SGSM2: variants seen among roughly 807,000 people sequenced by gnomAD.
SGSM2 encodes RUN and TBC1 domain containing 1.
Under a neutral mutation model 126.6 loss-of-function variants are expected in SGSM2, and 89 were observed. The observed-to-expected ratio is 0.70, with a 90% CI of 0.59 to 0.84. The LOEUF (loss-of-function observed/expected upper bound fraction) is 0.84. Ranked by LOEUF, SGSM2 falls within the 40% of genes least tolerant of loss-of-function variation. SGSM2 has a pLI of 0.00. For missense variants in SGSM2, 1,404 were observed against 1,416.6 expected, an observed-to-expected ratio of 0.99 and a Z score of 0.14; for synonymous variants, 614 against 574.3, an observed-to-expected ratio of 1.07 and a Z score of -0.99.
chr17:2,347,649 T>C (rs564248316), intron 2 of SGSM2, among the ~76,000 whole-genome samples: 1 of 151,770 alleles, frequency 6.6e-6, no homozygotes, highest in Non-Finnish European at 1.5e-5. Flanking sequence ...TTTTTCTTTT[T>C]TTTTTTTTCC....
Position 2,346,415 on chromosome 17 carries a change from C to CAGAGCCTTCCTGG in SGSM2, c.133+2808_133+2820dup, listed in dbSNP as rs1415635086. On this transcript the variant is annotated intron_variant, in intron 2 of 23. Coordinates refer to ENST00000268989, the MANE Select transcript of SGSM2 (RefSeq NM_014853.3). ...AATGCAGACATTTAAACAGAAAACACAGAGCCTTCCTGGAGAGCCTTCCTG... is the reference window on the plus strand; with the variant it reads ...AATGCAGACATTTAAACAGAAAACACAGAGCCTTCCTGGAGAGCCTTCCTGGAGAGCCTTCCTG... Among the ~76,000 whole-genome samples, 5 of 152,304 alleles carry CAGAGCCTTCCTGG rather than the reference C, an allele frequency of 3.3e-5. No homozygotes were observed. The East Asian group carries it at 9.7e-4, about 29-fold the overall frequency.
rs374088389 is a variant in SGSM2 at position 2,364,075 on chromosome 17, C to T, written c.824C>T (p.Ala275Val). The T allele has an allele frequency of 3.3e-5, 54 of 1,613,948 alleles. No individual in the cohort carries two copies. The highest frequency in any genetic ancestry group is 6.6e-5 in the South Asian group (6 of 91,080). ...CCGCTGTAGAAGGAGGATATGGAGG[C>T]GGTCCCTGGCTACCTCTCCCTGCAC... is the stretch of plus-strand genomic sequence containing the variant. ...VLVQPKEDME[A>V]VPGYLSLHQS... Residue 275 changes from alanine to valine, a missense_variant, in exon 8 of 24, where the codon GCG (alanine) becomes GTG (valine). Ala to Val is a moderately conservative substitution (Grantham distance 64). Transcript: ENST00000268989.
At chr17:2,377,234 C>T (rs548168336) in intron 21 of SGSM2, 166 bp downstream of exon 21, 161 of 577,104 alleles carry the variant, frequency 2.8e-4, no homozygotes, top group Non-Finnish European at 4.3e-4. Context: ...GCCTGTCATC[C>T]CAGCAATTTA....
Position 2,337,696 on chromosome 17 carries a change from G to A in SGSM2, c.8G>A (p.Ser3Asn). 1 of 1,529,566 alleles carries A rather than the reference G, an allele frequency of 6.5e-7. No individual in the cohort carries two copies. The highest frequency in any genetic ancestry group is 8.8e-7 in the Non-Finnish European group (1 of 1,134,886). 94.7% of individuals were successfully genotyped at this position (1,529,566 alleles called of 1,614,324 possible). MG[S>N]AEDAVKEKLL... ...GCCGCCTCCTGCCACACCATGGGCA[G>A]CGCAGAGGACGCAGTCAAAGAGAAA... The change falls in exon 1 of 24, where the codon AGC (serine) becomes AAC (asparagine). Residue 3 changes from serine to asparagine, a missense_variant. Coordinates refer to ENST00000268989, the MANE Select transcript of SGSM2 (RefSeq NM_014853.3). This position sits in a 1 kb window ranked among gnomAD's most constrained non-coding sequence, Gnocchi z 5.1.
chr17:2,363,562 G>A lies in SGSM2; in HGVS notation c.770G>A (p.Arg257Gln), dbSNP rs779766103. Residue 257 changes from arginine (R) to glutamine (Q), a missense_variant, in exon 7 of 24, where the codon CGG becomes CAG. By Grantham distance (43) the Arg-to-Gln change is conservative. Coordinates refer to ENST00000268989, the MANE Select transcript of SGSM2 (RefSeq NM_014853.3). The surrounding 1 kb of genome is among the most constrained non-coding windows in gnomAD (Gnocchi z 4.2). The part of the protein sequence containing the change: ...VESLHQNSRT[R>Q]LLYGKNHVLV... Reference sequence around the variant, plus strand: ...TCCCTGCACCAGAACTCACGGACGCGGCTGCTCTATGGCAAGAACCACGTG... The same window carrying A: ...TCCCTGCACCAGAACTCACGGACGCAGCTGCTCTATGGCAAGAACCACGTG... 8.7e-6 allele frequency: 14 copies of A among 1,613,300 alleles called. No homozygotes were observed. The highest frequency in any genetic ancestry group is 1.1e-5 in the Non-Finnish European group (13 of 1,179,944).
chr17:2,357,385 C>T (rs1321949216), intron 2 of SGSM2, among the ~76,000 whole-genome samples: 4 of 152,052 alleles, frequency 2.6e-5, no homozygotes, highest in African/African-American at 7.3e-5. Context: ...CATCATTCAA[C>T]GAGTGGATAA....
At chr17:2,364,246 G>A (rs560962136) in intron 8 of SGSM2, 63 bp downstream of exon 8, 1 of 1,603,152 alleles carries the variant, frequency 6.2e-7, no homozygotes, top group South Asian at 1.1e-5. Context: ...CTCAGGCAGA[G>A]GGATGGAGAA....
chr17:2,379,211 C>G lies in SGSM2; in HGVS notation c.3067+8C>G, dbSNP rs1342657857. On this transcript the variant is annotated splice_region_variant and intron_variant, in intron 23 of 23. Transcript: ENST00000268989. ...TCATCAAGTTTTTCAATGGTACGAG[C>G]TGGTCCAGCCATCCAGGCTGCCCTG... 1 of 1,614,010 alleles carries G rather than the reference C, an allele frequency of 6.2e-7. No individual in the cohort carries two copies. Among genetic ancestry groups the G allele is most frequent in the Non-Finnish European group, 8.5e-7 (1 of 1,179,874 alleles).
intron 17 of SGSM2, chr17:2,374,563 T>G (rs1305181371): frequency 6.6e-6 from 1 of 151,988 alleles, no homozygotes; most frequent in Admixed American, 6.6e-5. Context: ...GGCCATAGAG[T>G]GAGACACCCT....
chr17:2,379,739 C>T lies in SGSM2; in HGVS notation c.*219C>T. Reference sequence around the variant, plus strand: ...CAGGGCCGGGATGGGAGGGGTCAGCCTCAGGGAGCAGCTGCCTTGGGGGAC... The same window carrying T: ...CAGGGCCGGGATGGGAGGGGTCAGCTTCAGGGAGCAGCTGCCTTGGGGGAC... On this transcript the variant is annotated 3_prime_UTR_variant, in exon 24 of 24. Coordinates refer to ENST00000268989, the MANE Select transcript of SGSM2 (RefSeq NM_014853.3). 2 of 1,404,294 alleles carry T rather than the reference C, an allele frequency of 1.4e-6. No individual in the cohort carries two copies. The highest frequency in any genetic ancestry group is 2.6e-5 in the East Asian group (1 of 39,122). The allele number at this position is 1,404,294 out of a possible 1,614,324, so 87.0% of individuals were successfully genotyped here. A position where few individuals can be genotyped will look rare whatever the true frequency, so the allele number is the denominator to read the frequency against.
intron 11 of SGSM2, chr17:2,366,895 C>T (rs1252116760): frequency 2.1e-5 from 4 of 190,634 alleles, no homozygotes; most frequent in Non-Finnish European, 3.2e-5. Context: ...CTGAGAGGAG[C>T]TAGAGAACGA....
In SGSM2 at chr17:2,362,072, G is replaced by C. The variant is rs575607389; in HGVS notation, c.297-37G>C. On this transcript the variant is annotated intron_variant, in intron 3 of 23. Transcript: ENST00000268989. The surrounding 1 kb of genome is among the most constrained non-coding windows in gnomAD (Gnocchi z 4.9). The stretch of plus-strand genomic sequence containing the variant: ...GCCAGCATTCTGGGGTTTACCCCTA[G>C]ACCACTGCACTCCTGGAGCCCTCCC... 1.8e-5 allele frequency: 28 copies of C among 1,591,724 alleles called. No homozygotes were observed. The South Asian group carries it at 2.9e-4, about 17-fold the overall frequency.
chr17:2,338,930 G>A (rs532552092), intron 1 of SGSM2, among the ~76,000 whole-genome samples: 71 of 151,600 alleles, frequency 4.7e-4, no homozygotes, highest in Non-Finnish European at 8.1e-4. Context: ...GTGGTGGTGC[G>A]TGCCTGTAAT....
chr17:2,372,857 GC>G lies in SGSM2; in HGVS notation c.1789-92del. ...GCCTGGGCTTCAGCAGTCACTACAG[GC>G]CCCGCCCCAGCCCATTCTCCGTGGG... On this transcript the variant is annotated intron_variant, in intron 15 of 23. Coordinates refer to ENST00000268989, the MANE Select transcript of SGSM2 (RefSeq NM_014853.3). This position sits in a 1 kb window ranked among gnomAD's most constrained non-coding sequence, Gnocchi z 6.0. 1.3e-6 allele frequency: 2 copies of G among 1,484,740 alleles called. No homozygotes were observed. 92.0% of individuals were successfully genotyped at this position (1,484,740 alleles called of 1,614,324 possible). A position where few individuals can be genotyped will look rare whatever the true frequency, so the allele number is the denominator to read the frequency against.
intron 13 of SGSM2, 139 bp downstream of exon 13, chr17:2,371,554 T>C (rs769069307): frequency 9.7e-7 from 1 of 1,036,030 alleles, no homozygotes; most frequent in African/African-American, 1.6e-5. Flanking sequence ...ATTTCACTTT[T>C]GCTACCCACG....
At chr17:2,376,369 A>C in intron 19 of SGSM2, 108 bp downstream of exon 19, 1 of 1,453,208 alleles carries the variant, frequency 6.9e-7, no homozygotes, top group Non-Finnish European at 9.3e-7. Flanking sequence ...CTCCTGAATC[A>C]CACTTGGCTC....
intron 12 of SGSM2, among the ~76,000 whole-genome samples, chr17:2,370,926 TTC>T (rs1469972656): frequency 6.6e-6 from 1 of 152,230 alleles, no homozygotes; most frequent in Non-Finnish European, 1.5e-5. Context: ...TCTTTGTTCC[TTC>T]TCTTTCTTTC....
chr17:2,361,706 T>A lies in SGSM2; in HGVS notation c.203T>A (p.Met68Lys). The A allele has an allele frequency of 6.2e-7, 1 of 1,614,010 alleles. No individual in the cohort carries two copies. Among genetic ancestry groups the A allele is most frequent in the Non-Finnish European group, 8.5e-7 (1 of 1,179,998 alleles). Reference sequence around the variant, plus strand: ...GCTGGCTTCCTGCGCAGTGACAAGATGGCAGCCCTGTTCACCAAGGTGGGG... The same window carrying A: ...GCTGGCTTCCTGCGCAGTGACAAGAAGGCAGCCCTGTTCACCAAGGTGGGG... ...RAAGFLRSDK[M>K]AALFTKVGKT... The change falls in exon 3 of 24, where the codon ATG becomes AAG. Residue 68 changes from methionine (M) to lysine (K), a missense_variant. Coordinates refer to ENST00000268989, the MANE Select transcript of SGSM2 (RefSeq NM_014853.3).
At position 2,372,376 on chromosome 17, in the gene SGSM2, G is replaced by T. The variant is rs780864158; in HGVS notation, c.1676G>T (p.Arg559Leu). The T allele has an allele frequency of 6.3e-7, 1 of 1,591,596 alleles. No homozygotes were observed. The highest frequency in any genetic ancestry group is 1.3e-5 in the African/African-American group (1 of 74,708). ...LAHCRHLSTVRTHLSALVHHS... is the reference protein window; with the variant it reads ...LAHCRHLSTVLTHLSALVHHS... ...CACTGCCGCCACCTGTCCACGGTGC[G>T]GACCCACCTGTCGGCGCTGGTGCAC... Residue 559 changes from arginine to leucine, a missense_variant, in exon 15 of 24, where the codon CGG becomes CTG. Physicochemically the swap from Arg to Leu is moderately radical, Grantham distance 102. Coordinates refer to ENST00000268989, the MANE Select transcript of SGSM2 (RefSeq NM_014853.3). This position sits in a 1 kb window ranked among gnomAD's most constrained non-coding sequence, Gnocchi z 6.0.
Sources: allele counts gnomAD v4.1 joint callset (sites outside exome capture counted in the v4.1 genomes callset), GRCh38; gene constraint gnomAD v4.1.1; non-coding constraint Gnocchi (gnomAD v3.1); transcripts MANE v1.5; gene names NCBI Gene and HGNC (gene_info 2026-07-23, HGNC 2026-07-21).